TMEM132C: variants seen among roughly 807,000 people sequenced by gnomAD.
TMEM132C encodes transmembrane protein 132C.
Under a neutral mutation model 61.4 loss-of-function variants are expected in TMEM132C, and 29 were observed. That is an observed-to-expected ratio of 0.47 (90% confidence interval 0.35 to 0.64). TMEM132C has a LOEUF of 0.64. Ranked by LOEUF, TMEM132C falls within the 30% of genes least tolerant of loss-of-function variation. The pLI is 0.00. For synonymous variants in TMEM132C, 656 were observed against 633.1 expected, an observed-to-expected ratio of 1.04 and a Z score of -0.54; for missense variants, 1,408 against 1,476.9, an observed-to-expected ratio of 0.95 and a Z score of 0.76.
At chr12:128,359,174 G>T (rs1565911929) in intron 1 of TMEM132C, among the ~76,000 whole-genome samples, 1 of 152,204 alleles carries the variant, frequency 6.6e-6, no homozygotes, top group African/African-American at 2.4e-5. Flanking sequence ...TGCTGTATGA[G>T]TGTGTTCTCC....
At chr12:128,493,248 T>C (rs1871813736) in intron 2 of TMEM132C, among the ~76,000 whole-genome samples, 1 of 152,256 alleles carries the variant, frequency 6.6e-6, no homozygotes, top group Non-Finnish European at 1.5e-5. Context: ...TTTTGGTTAC[T>C]GTAGCCTTGT....
At chr12:128,684,165 T>A (rs1457627691) in intron 5 of TMEM132C, among the ~76,000 whole-genome samples, 1 of 152,170 alleles carries the variant, frequency 6.6e-6, no homozygotes, top group Non-Finnish European at 1.5e-5. Context: ...TTATTTTCTT[T>A]TTACTTGTTA....
chr12:128,377,526 G>C (rs1416908465), intron 1 of TMEM132C, among the ~76,000 whole-genome samples: 2 of 152,212 alleles, frequency 1.3e-5, no homozygotes, highest in Non-Finnish European at 1.5e-5. Context: ...AGGTATTTAA[G>C]AGTCAGACTA....
intron 1 of TMEM132C, among the ~76,000 whole-genome samples, chr12:128,274,026 C>T (rs747844619): frequency 7.2e-5 from 11 of 152,208 alleles, no homozygotes; most frequent in Admixed American, 1.3e-4. Flanking sequence ...TACCTGTGCA[C>T]TGAGCTCCCT....
intron 2 of TMEM132C, among the ~76,000 whole-genome samples, chr12:128,466,733 G>A (rs1158420219): frequency 6.6e-6 from 1 of 152,112 alleles, no homozygotes; most frequent in African/African-American, 2.4e-5. Context: ...GCCCAGGCTG[G>A]TCTTGAACTC....
chr12:128,691,116 C>T (rs555081879), intron 5 of TMEM132C, among the ~76,000 whole-genome samples: 3 of 152,330 alleles, frequency 2.0e-5, no homozygotes, highest in African/African-American at 7.2e-5. Context: ...ATGCTAAGTG[C>T]TATGTGAGGG....
chr12:128,400,073 G>C (rs1417250260), intron 1 of TMEM132C: 1 of 152,220 alleles, frequency 6.6e-6, no homozygotes, highest in African/African-American at 2.4e-5. Context: ...ACCACAGTTT[G>C]GATCAAGAAA....
chr12:128,477,088 A>C (rs1242514264), intron 2 of TMEM132C, among the ~76,000 whole-genome samples: 1 of 151,980 alleles, frequency 6.6e-6, no homozygotes, highest in Non-Finnish European at 1.5e-5. Flanking sequence ...CACCCCCAAA[A>C]CTCAGTGGCC....
At position 128,544,000 on chromosome 12, in the gene TMEM132C, C is replaced by A. The variant is rs1002960609; in HGVS notation, c.1018C>A (p.Arg340Ser). 1.3e-6 allele frequency: 2 copies of A among 1,549,334 alleles called. No homozygotes were observed. Among genetic ancestry groups the A allele is most frequent in the Admixed American group, 3.9e-5 (2 of 50,668 alleles). The change falls in exon 3 of 9, where the codon CGT becomes AGT. Residue 340 changes from arginine to serine, a missense_variant. Arg to Ser is a moderately radical substitution (Grantham distance 110). Transcript: ENST00000435159. ...KGVNILSAQT[R>S]EPRQWGVKQE... is the part of the protein sequence containing the mutation. ...GGTGAACATCCTGAGTGCTCAGACC[C>A]GTGAGCCCCGGCAGTGGGGCGTCAA... is the stretch of plus-strand genomic sequence containing the variant.
chr12:128,467,945 A>G (rs980295413), intron 2 of TMEM132C, among the ~76,000 whole-genome samples: 2 of 152,148 alleles, frequency 1.3e-5, no homozygotes, highest in African/African-American at 4.8e-5. Context: ...CATCAATCAG[A>G]CGGTCATACA....
chr12:128,701,427 G>C (rs1374636837), intron 8 of TMEM132C, among the ~76,000 whole-genome samples: 1 of 152,158 alleles, frequency 6.6e-6, no homozygotes, highest in Non-Finnish European at 1.5e-5. Context: ...AACTCAACCT[G>C]CCTTCACACA....
At chr12:128,594,098 C>CCCACCT (rs1446892061) in intron 3 of TMEM132C, among the ~76,000 whole-genome samples, 77 of 144,504 alleles carry the variant, frequency 5.3e-4, no homozygotes, top group Non-Finnish European at 8.3e-4. Context: ...AGGGAGAGCC[C>CCCACCT]CCACCTCCAC....
At chr12:128,452,106 T>C (rs917025490) in intron 2 of TMEM132C, among the ~76,000 whole-genome samples, 6 of 152,136 alleles carry the variant, frequency 3.9e-5, no homozygotes, top group African/African-American at 1.4e-4. Flanking sequence ...ATGATTATTT[T>C]TGATACAGGG....
intron 1 of TMEM132C, among the ~76,000 whole-genome samples, chr12:128,276,886 G>T (rs546808049): frequency 1.1e-5 from 1 of 91,678 alleles, no homozygotes; most frequent in South Asian, 4.1e-4. Context: ...GCATGCATGT[G>T]CGTGCATGCA....
At chr12:128,633,209 C>T (rs907593342) in intron 4 of TMEM132C, among the ~76,000 whole-genome samples, 3 of 152,162 alleles carry the variant, frequency 2.0e-5, no homozygotes, top group African/African-American at 7.2e-5. Flanking sequence ...GGCTGGCTCC[C>T]CCCAGAGATC....
intron 1 of TMEM132C, among the ~76,000 whole-genome samples, chr12:128,343,225 ACC>A (rs1381094189): frequency 2.0e-5 from 3 of 152,058 alleles, no homozygotes; most frequent in Non-Finnish European, 2.9e-5. Flanking sequence ...AGAGATTGAG[ACC>A]ATCCTGGCCA....
Position 128,520,737 on chromosome 12 carries a change from C to G in TMEM132C, c.975-23220C>G, listed in dbSNP as rs369120936. Among the ~76,000 whole-genome samples, 7 of 151,890 alleles carry G rather than the reference C, an allele frequency of 4.6e-5. No individual in the cohort carries two copies. In the East Asian group the frequency reaches 1.2e-3, roughly 26 times the overall value. On this transcript the variant is annotated intron_variant, in intron 2 of 8. Transcript: ENST00000435159. ...ACACAAAGGGTGGCTTGACAGTTAACAGGTTTATTTTAAACCTGGGAGAGA... is the reference window on the plus strand; with the variant it reads ...ACACAAAGGGTGGCTTGACAGTTAAGAGGTTTATTTTAAACCTGGGAGAGA...
At chr12:128,677,945 G>C (rs983429717) in intron 5 of TMEM132C, among the ~76,000 whole-genome samples, 3 of 152,244 alleles carry the variant, frequency 2.0e-5, no homozygotes, top group African/African-American at 7.2e-5. Context: ...ACCTTGCTCA[G>C]CCAACAGCCT....
At chr12:128,418,285 G>A (rs181365466) in intron 2 of TMEM132C, among the ~76,000 whole-genome samples, 48 of 152,276 alleles carry the variant, frequency 3.2e-4, no homozygotes, top group Admixed American at 1.2e-3. Flanking sequence ...CTGAAGACCC[G>A]TCTTGGAGGT....
Sources: allele counts gnomAD v4.1 joint callset (sites outside exome capture counted in the v4.1 genomes callset), GRCh38; gene constraint gnomAD v4.1.1; transcripts MANE v1.5; gene names NCBI Gene and HGNC (gene_info 2026-07-23, HGNC 2026-07-21).